The following LYZL4 variants were observed in gnomAD, a reference collection of about 807,000 sequenced individuals.
The protein encoded by LYZL4 is lysozyme like 4, also known as lysozyme-like protein 4.
A neutral mutation model predicts 17.6 loss-of-function variants in LYZL4; 13 were observed. The ratio of observed to expected loss-of-function variants is 0.74; its 90% confidence interval spans 0.48 to 1.18. The LOEUF is 1.18. Ranked by LOEUF, LYZL4 falls within the 50% of genes most tolerant of loss-of-function variation. LYZL4 has a pLI of 0.00. For missense variants in LYZL4, 174 were observed against 188.2 expected (o/e 0.92, Z 0.44); for synonymous variants, 64 against 67.7 (o/e 0.95, Z 0.27).
chr3:42,403,496 G>A (rs981942416), intron 4 of LYZL4, among the ~76,000 whole-genome samples: 6 of 151,800 alleles, frequency 4.0e-5, no homozygotes, highest in African/African-American at 7.3e-5. Flanking sequence ...GACTGGTTTC[G>A]AACTCCTGAC....
the LYZL4 span, among the ~76,000 whole-genome samples, chr3:42,390,031 A>G: frequency 1.3e-5 from 2 of 152,206 alleles, no homozygotes; most frequent in South Asian, 2.1e-4. Flanking sequence ...ATACTTTAAA[A>G]AAGACCACTG....
chr3:42,390,325 C>T, the LYZL4 span, among the ~76,000 whole-genome samples: 1 of 152,352 alleles, frequency 6.6e-6, no homozygotes, highest in Admixed American at 6.5e-5. Context: ...TCAGCAGCCT[C>T]TTTCCCTAGC....
At chr3:42,365,656 G>A in the LYZL4 span, among the ~76,000 whole-genome samples, 26,539 of 152,088 alleles carry the variant, frequency 0.17, 6,068 homozygotes, top group African/African-American at 0.52. Flanking sequence ...CAAGGGGCAG[G>A]GTGATTTAGT....
At chr3:42,377,629 G>GTGTA in the LYZL4 span, among the ~76,000 whole-genome samples, 4 of 76,260 alleles carry the variant, frequency 5.2e-5, no homozygotes, top group Admixed American at 4.2e-4. Context: ...GACTCTCTGT[G>GTGTA]TGTGTGTGTG....
the LYZL4 span, among the ~76,000 whole-genome samples, chr3:42,388,224 T>C: frequency 1.3e-5 from 2 of 152,226 alleles, no homozygotes; most frequent in South Asian, 2.1e-4. Context: ...CACCTAGCTA[T>C]GCGCACTCTT....
At chr3:42,386,438 G>A in the LYZL4 span, among the ~76,000 whole-genome samples, 4 of 122,250 alleles carry the variant, frequency 3.3e-5, no homozygotes, top group Admixed American at 1.1e-4. Context: ...GGACCCTTGT[G>A]GTTACTTTGG....
downstream of LYZL4, among the ~76,000 whole-genome samples, chr3:42,392,610 T>C (rs142326258): frequency 5.3e-5 from 8 of 152,232 alleles, no homozygotes; most frequent in African/African-American, 1.9e-4. Flanking sequence ...GGTGAGTATG[T>C]CGGAGGGAAG....
the LYZL4 span, among the ~76,000 whole-genome samples, chr3:42,388,300 A>G: frequency 6.6e-6 from 1 of 152,232 alleles, no homozygotes; most frequent in Non-Finnish European, 1.5e-5. Flanking sequence ...GCCTCCCAGT[A>G]ATCAAGCACG....
intron 4 of LYZL4, 127 bp downstream of exon 4, chr3:42,403,919 C>T: frequency 3.5e-6 from 2 of 579,230 alleles, no homozygotes; most frequent in Non-Finnish European, 6.1e-6. Flanking sequence ...TGCTACTTAC[C>T]TTGGTGAGTC....
chr3:42,389,262 A>T, the LYZL4 span, among the ~76,000 whole-genome samples: 1 of 152,198 alleles, frequency 6.6e-6, no homozygotes, highest in Non-Finnish European at 1.5e-5. Context: ...ACTGTTCTGG[A>T]CAGAAAATGT....
the LYZL4 span, among the ~76,000 whole-genome samples, chr3:42,371,615 T>G: frequency 6.6e-6 from 1 of 152,150 alleles, no homozygotes; most frequent in South Asian, 2.1e-4. Flanking sequence ...AGACCAAATA[T>G]TATTGAGAAA....
chr3:42,373,049 C>A, the LYZL4 span, among the ~76,000 whole-genome samples: 38 of 151,468 alleles, frequency 2.5e-4, no homozygotes, highest in African/African-American at 6.5e-4. Flanking sequence ...TCCACAAAAA[C>A]CAAAAAAAAA....
chr3:42,380,848 C>T, the LYZL4 span, among the ~76,000 whole-genome samples: 1 of 152,192 alleles, frequency 6.6e-6, no homozygotes, highest in Non-Finnish European at 1.5e-5. Flanking sequence ...GGCCCTGGGT[C>T]TTATTTTGGC....
At chr3:42,366,417 G>A in the LYZL4 span, among the ~76,000 whole-genome samples, 1,568 of 152,182 alleles carry the variant, frequency 0.01, 17 homozygotes, top group African/African-American at 0.028. Context: ...AGGTTGTGGC[G>A]GCACCAGGCA....
At chr3:42,375,317 A>G in the LYZL4 span, among the ~76,000 whole-genome samples, 4 of 152,216 alleles carry the variant, frequency 2.6e-5, no homozygotes, top group Non-Finnish European at 4.4e-5. Context: ...ACATCCAGCA[A>G]CTTCCTCAGC....
At chr3:42,377,718 A>G in the LYZL4 span, among the ~76,000 whole-genome samples, 1 of 150,154 alleles carries the variant, frequency 6.7e-6, no homozygotes, top group Non-Finnish European at 1.5e-5. Flanking sequence ...AGGTAATTTG[A>G]CTATTATCTG....
At chr3:42,375,754 T>C in the LYZL4 span, among the ~76,000 whole-genome samples, 17 of 152,158 alleles carry the variant, frequency 1.1e-4, no homozygotes, top group East Asian at 7.7e-4. Flanking sequence ...TTAAAGAATA[T>C]ATTATGCTTC....
chr3:42,364,524 T>G, the LYZL4 span, among the ~76,000 whole-genome samples: 7 of 151,816 alleles, frequency 4.6e-5, no homozygotes, highest in Non-Finnish European at 1.0e-4. Flanking sequence ...TTTGTATTTT[T>G]AGTAGAGACG....
At chr3:42,409,253 G>T (rs1698819388) in intron 1 of LYZL4, among the ~76,000 whole-genome samples, 1 of 152,128 alleles carries the variant, frequency 6.6e-6, no homozygotes, top group Non-Finnish European at 1.5e-5. Context: ...AATTAATTGT[G>T]TTGATTTGAA....
Sources: gnomAD v4.1 joint callset for allele counts (sites outside exome capture counted in the v4.1 genomes callset) on GRCh38, gnomAD v4.1.1 for gene constraint, MANE v1.5 for transcripts, NCBI Gene and HGNC (gene_info 2026-07-23, HGNC 2026-07-21) for gene names.